Variants in CFAP46 observed in about 807,000 individuals in gnomAD.
CFAP46 encodes cilia- and flagella-associated protein 46.
CFAP46 carries 245 observed loss-of-function variants against 325.7 expected under a neutral mutation model. The ratio of observed to expected loss-of-function variants is 0.75; its 90% CI spans 0.68 to 0.84. The LOEUF (loss-of-function observed/expected upper bound fraction) is 0.84, where lower values mean the gene tolerates loss of function less well. CFAP46 is among the 40% of genes least tolerant of loss of function. The pLI is 0.00. For synonymous variants in CFAP46, 1,523 were observed against 1,495.9 expected (o/e 1.02, Z -0.42); for missense variants, 3,346 against 3,543.0 (o/e 0.94, Z 1.41).
At chr10:132,836,633 C>T (rs1180750024) in intron 45 of CFAP46, among the ~76,000 whole-genome samples, 184 bp downstream of exon 45, 2 of 37,228 alleles carry the variant, frequency 5.4e-5, no homozygotes, top group African/African-American at 5.7e-4. Context: ...CGTCTCTGGA[C>T]GGCCCCCCCC....
chr10:132,836,860 G>A lies in CFAP46; in HGVS notation c.6493C>T (p.Pro2165Ser), dbSNP rs560086678. Residue 2165 changes from proline to serine, a missense_variant, in exon 45 of 58, where the codon CCT (proline) becomes TCT (serine). Transcript: ENST00000368586. ...AGAAAGAGGATCCAAAAGGTCGGAGGCATCTCATTCAAGAGGTTAAAATGC... is the reference window on the plus strand; with the variant it reads ...AGAAAGAGGATCCAAAAGGTCGGAGACATCTCATTCAAGAGGTTAAAATGC... ...EQHFNLLNEMPPTFWILFLHL... is the reference protein window; with the variant it reads ...EQHFNLLNEMSPTFWILFLHL... 25 of 1,613,814 alleles carry A rather than the reference G, an allele frequency of 1.5e-5. No individual in the cohort carries two copies. The highest frequency in any genetic ancestry group is 1.9e-5 in the Non-Finnish European group (23 of 1,180,014).
chr10:132,930,406 GA>G, intron 8 of CFAP46, among the ~76,000 whole-genome samples: 1 of 140,860 alleles, frequency 7.1e-6, no homozygotes, highest in East Asian at 2.2e-4. Context: ...TCTCCACACA[GA>G]GCCTGAGCCT....
intron 46 of CFAP46, 77 bp downstream of exon 46, chr10:132,836,065 G>A (rs1848240319): frequency 1.5e-6 from 1 of 688,070 alleles, no homozygotes; most frequent in Non-Finnish European, 2.1e-6. Context: ...TCCCGACACA[G>A]CCCTGCTCAC....
intron 22 of CFAP46, among the ~76,000 whole-genome samples, chr10:132,900,840 T>C (rs1778244777): frequency 6.6e-6 from 1 of 152,272 alleles, no homozygotes; most frequent in South Asian, 2.1e-4. Context: ...TACTTTGTTC[T>C]GTCAGCTGCT....
Position 132,884,978 on chromosome 10 carries a change from C to G in CFAP46, c.3627+125G>C, listed in dbSNP as rs1849099946. On this transcript the variant is annotated intron_variant, in intron 27 of 57. Coordinates refer to ENST00000368586, the MANE Select transcript of CFAP46 (RefSeq NM_001200049.3). The surrounding 1 kb of genome is among the most constrained non-coding windows in gnomAD (Gnocchi z 5.4). Reference sequence around the variant, plus strand: ...GGGCCACGCGGTGCATTCTCTGTGCCCGTCAGCTGTGGCTGCTCTGCGTGC... The same window carrying G: ...GGGCCACGCGGTGCATTCTCTGTGCGCGTCAGCTGTGGCTGCTCTGCGTGC... 5 of 1,039,958 alleles carry G rather than the reference C, an allele frequency of 4.8e-6. No homozygotes were observed. The highest frequency in any genetic ancestry group is 5.3e-5 in the East Asian group (2 of 37,498). 64.4% of individuals were successfully genotyped at this position (1,039,958 alleles called of 1,614,324 possible). A position where few individuals can be genotyped will look rare whatever the true frequency, so the allele number is the denominator to read the frequency against.
At chr10:132,870,358 G>A (rs752560334) in intron 32 of CFAP46, among the ~76,000 whole-genome samples, 3 of 152,048 alleles carry the variant, frequency 2.0e-5, no homozygotes, top group East Asian at 1.9e-4. Flanking sequence ...AGGAACAGGC[G>A]CACGTCTCTC....
chr10:132,865,541 C>T (rs1027539142), intron 35 of CFAP46, among the ~76,000 whole-genome samples: 7 of 152,204 alleles, frequency 4.6e-5, no homozygotes, highest in East Asian at 1.9e-4. Flanking sequence ...CCGGGGCTTT[C>T]GCTGGGGACC....
chr10:132,834,680 G>T lies in CFAP46; in HGVS notation c.6840C>A (p.Phe2280Leu). 1 of 1,613,344 alleles carries T rather than the reference G, an allele frequency of 6.2e-7. No homozygotes were observed. The highest frequency in any genetic ancestry group is 8.5e-7 in the Non-Finnish European group (1 of 1,179,968). The change falls in exon 48 of 58, where the codon TTC becomes TTA. Residue 2280 changes from phenylalanine to leucine, a missense_variant. Coordinates refer to ENST00000368586, the MANE Select transcript of CFAP46 (RefSeq NM_001200049.3). Reference protein sequence around the residue: ...GPLEELLQPLFPLLSLSKARV... With the variant: ...GPLEELLQPLLPLLSLSKARV... The stretch of plus-strand genomic sequence containing the variant: ...TGGCCTTGGAGAGGCTGAGCAGGGG[G>T]AATAGCGGCTGCAGAAGCTCCTCCA...
chr10:132,822,720 GATGTGTGC>G (rs1847895776), intron 50 of CFAP46, among the ~76,000 whole-genome samples: 1 of 135,420 alleles, frequency 7.4e-6, no homozygotes, highest in Non-Finnish European at 1.6e-5. Flanking sequence ...GATGTGTGCT[GATGTGTGC>G]TGTGTGTGCA....
chr10:132,845,465 G>C (rs895051576), intron 44 of CFAP46, among the ~76,000 whole-genome samples: 2 of 152,202 alleles, frequency 1.3e-5, no homozygotes, highest in African/African-American at 4.8e-5. Flanking sequence ...GGGGATATTT[G>C]GTCAGGTCCA....
Position 132,808,519 on chromosome 10 carries a change from A to G in CFAP46, c.8050T>C (p.Ser2684Pro). The G allele has an allele frequency of 1.2e-6, 2 of 1,613,116 alleles. No individual in the cohort carries two copies. Among genetic ancestry groups the G allele is most frequent in the East Asian group, 2.2e-5 (1 of 44,880 alleles). ...GLRRGWSCVS[S>P]RGQDKGGLPL... The stretch of plus-strand genomic sequence containing the variant: ...AGGCCGCCCTTGTCCTGGCCCCGGG[A>G]AGAGACGCAGCTCCAGCCCCGACGC... Residue 2684 changes from serine to proline, a missense_variant, in exon 58 of 58, where the codon TCC becomes CCC. By Grantham distance (74) the Ser-to-Pro change is moderately conservative (BLOSUM62 -1). Coordinates refer to ENST00000368586, the MANE Select transcript of CFAP46 (RefSeq NM_001200049.3). The surrounding 1 kb of genome is among the most constrained non-coding windows in gnomAD (Gnocchi z 6.8).
intron 35 of CFAP46, among the ~76,000 whole-genome samples, chr10:132,861,890 G>T (rs140325872): frequency 1.3e-5 from 2 of 152,190 alleles, no homozygotes; most frequent in Non-Finnish European, 2.9e-5. Flanking sequence ...GCTACCCGCC[G>T]CCAGAGAGCA....
chr10:132,810,900 A>C, intron 56 of CFAP46, 50 bp downstream of exon 56: 2 of 1,516,042 alleles, frequency 1.3e-6, no homozygotes, highest in Non-Finnish European at 1.8e-6. Flanking sequence ...CGTCTGTCTG[A>C]CCTCTCCATC....
intron 13 of CFAP46, among the ~76,000 whole-genome samples, chr10:132,921,788 G>T (rs1849725938): frequency 6.6e-6 from 1 of 152,228 alleles, no homozygotes; most frequent in South Asian, 2.1e-4. Flanking sequence ...GAGCACTCAG[G>T]GGGAATCAGC....
intron 19 of CFAP46, 39 bp downstream of exon 19, chr10:132,912,607 CTCTCTCTCT>C (rs1564798474): frequency 6.1e-6 from 2 of 327,590 alleles, no homozygotes; most frequent in Non-Finnish European, 8.4e-6. Flanking sequence ...CCTCTCTCCT[CTCTCTCTCT>C]CTCTCTCTCT....
At chr10:132,915,576 C>G (rs1425293816) in intron 17 of CFAP46, among the ~76,000 whole-genome samples, 6 of 151,638 alleles carry the variant, frequency 4.0e-5, no homozygotes, top group African/African-American at 1.5e-4. Flanking sequence ...GCTTCTGCCC[C>G]GAGGGACCGG....
intron 50 of CFAP46, among the ~76,000 whole-genome samples, chr10:132,821,140 CTGTG>C (rs200579659): frequency 9.5e-6 from 1 of 105,712 alleles, no homozygotes. Flanking sequence ...CTGATGTGTG[CTGTG>C]TGAGTGCTGA....
At chr10:132,924,285 T>C (rs1252581344) in intron 11 of CFAP46, among the ~76,000 whole-genome samples, 1 of 151,846 alleles carries the variant, frequency 6.6e-6, no homozygotes, top group African/African-American at 2.4e-5. Flanking sequence ...GCTGCCACGC[T>C]GGCCCCTGCA....
chr10:132,908,225 G>A, intron 22 of CFAP46: 1 of 547,318 alleles, frequency 1.8e-6, no homozygotes, highest in East Asian at 3.2e-5. Flanking sequence ...TGGAGACCTG[G>A]TGGAGTGCTC....
Sources: allele counts gnomAD v4.1 joint callset (sites outside exome capture counted in the v4.1 genomes callset), GRCh38; gene constraint gnomAD v4.1.1; non-coding constraint Gnocchi (gnomAD v3.1); transcripts MANE v1.5; gene names NCBI Gene and HGNC (gene_info 2026-07-23, HGNC 2026-07-21).